KIAA2012: variants seen among roughly 807,000 people sequenced by gnomAD.
KIAA2012 encodes uncharacterized protein KIAA2012.
KIAA2012 carries 125 observed loss-of-function variants against 150.6 expected under a neutral mutation model. The observed-to-expected ratio is 0.83, with a 90% CI of 0.72 to 0.96. The LOEUF is 0.96. KIAA2012 is among the 40% of genes least tolerant of loss of function. The pLI is 0.00. For synonymous variants in KIAA2012, 462 were observed against 504.7 expected (o/e 0.92, Z 1.13); for missense variants, 1,219 against 1,354.9 (o/e 0.90, Z 1.57).
intron 4 of KIAA2012, among the ~76,000 whole-genome samples, chr2:202,095,699 T>C (rs1008218463): frequency 2.0e-5 from 3 of 152,180 alleles, no homozygotes; most frequent in Non-Finnish European, 1.5e-5. Context: ...AGTCACATAT[T>C]CAAACTCACC....
At chr2:202,089,293 C>T (rs1432558875) in intron 2 of KIAA2012, among the ~76,000 whole-genome samples, 1 of 152,206 alleles carries the variant, frequency 6.6e-6, no homozygotes, top group Non-Finnish European at 1.5e-5. Flanking sequence ...GGATTTACTG[C>T]ATCCTAACCT....
chr2:202,183,323 G>A (rs942203603), intron 15 of KIAA2012, among the ~76,000 whole-genome samples: 5 of 151,814 alleles, frequency 3.3e-5, no homozygotes, highest in Admixed American at 3.3e-4. Context: ...TGCGAGACAG[G>A]TGGGGAGGAT....
intron 13 of KIAA2012, among the ~76,000 whole-genome samples, chr2:202,143,297 C>A (rs182396474): frequency 6.6e-6 from 1 of 151,878 alleles, no homozygotes; most frequent in East Asian, 1.9e-4. Flanking sequence ...TGTTGCCCAG[C>A]CTGGTCTCGA....
chr2:202,135,993 T>TAAA, intron 12 of KIAA2012: 2 of 275,596 alleles, frequency 7.3e-6, no homozygotes, highest in Admixed American at 4.5e-5. Context: ...GATTCAAATT[T>TAAA]AAAAAAAAAA....
intron 2 of KIAA2012, among the ~76,000 whole-genome samples, chr2:202,086,650 T>A (rs766684633): frequency 2.0e-5 from 3 of 152,204 alleles, no homozygotes; most frequent in Non-Finnish European, 4.4e-5. Context: ...GGTGATGCTG[T>A]ATGTTTGAAT....
chr2:202,142,148 G>GT (rs1691208332), intron 13 of KIAA2012, among the ~76,000 whole-genome samples: 3 of 152,144 alleles, frequency 2.0e-5, no homozygotes, highest in Admixed American at 2.0e-4. Context: ...GAGGCAAACT[G>GT]TAAGTACCAT....
chr2:202,118,929 T>A (rs1418741684), intron 11 of KIAA2012, among the ~76,000 whole-genome samples: 1 of 152,142 alleles, frequency 6.6e-6, no homozygotes, highest in South Asian at 2.1e-4. Context: ...CATAAAGACT[T>A]CCCTACCTCA....
chr2:202,133,598 C>T (rs548425993), intron 12 of KIAA2012, among the ~76,000 whole-genome samples: 20 of 152,306 alleles, frequency 1.3e-4, no homozygotes, highest in Non-Finnish European at 2.2e-4. Context: ...TTTTCTAGAT[C>T]TGTCTACTTG....
intron 15 of KIAA2012, among the ~76,000 whole-genome samples, chr2:202,167,242 C>A (rs368337914): frequency 6.6e-5 from 10 of 152,040 alleles, no homozygotes; most frequent in African/African-American, 2.2e-4. Flanking sequence ...AATTTCAATT[C>A]TTATTTCAAT....
rs1176144357 is a variant in KIAA2012 at position 202,139,168 on chromosome 2, G to C, written c.1908+660G>C. 2.0e-5 allele frequency among the ~76,000 whole-genome samples: 3 copies of C among 151,346 alleles called. No individual in the cohort carries two copies. In the East Asian group the frequency reaches 5.8e-4, roughly 29 times the overall value. ...AGGCAGGAAAATCGCTTGAACCTGG[G>C]AGTTGGAGGTTGCAGTGAGCTGAGA... On this transcript the variant is annotated intron_variant, in intron 13 of 23. Coordinates refer to ENST00000498697, the MANE Select transcript of KIAA2012 (RefSeq NM_001277372.4).
rs893130223 is a variant in KIAA2012 at position 202,193,624 on chromosome 2, A to G, written c.3014+121A>G. 3.8e-5 allele frequency: 37 copies of G among 977,452 alleles called. No individual in the cohort carries two copies. In the African/African-American group the frequency reaches 5.8e-4, roughly 15 times the overall value. The allele number at this position is 977,452 out of a possible 1,614,324, so 60.5% of individuals were successfully genotyped here. A position where few individuals can be genotyped will look rare whatever the true frequency, so the allele number is the denominator to read the frequency against. ...GCTCATGCCCTGAAGTTAAAATAGC[A>G]TGTGTCATTTTTCTCTATCCTCAGT... On this transcript the variant is annotated intron_variant, in intron 20 of 23. Coordinates refer to ENST00000498697, the MANE Select transcript of KIAA2012 (RefSeq NM_001277372.4).
At chr2:202,143,601 G>C (rs1193133631) in intron 13 of KIAA2012, among the ~76,000 whole-genome samples, 1 of 147,740 alleles carries the variant, frequency 6.8e-6, no homozygotes, top group African/African-American at 2.5e-5. Context: ...CTACCTATAA[G>C]GAAAGACAGA....
chr2:202,086,290 C>G (rs1257029012), intron 2 of KIAA2012, among the ~76,000 whole-genome samples: 1 of 152,002 alleles, frequency 6.6e-6, no homozygotes, highest in Non-Finnish European at 1.5e-5. Context: ...GCCACAGCAT[C>G]TTGGAAGAGG....
chr2:202,124,945 C>A (rs1690743646), intron 11 of KIAA2012, among the ~76,000 whole-genome samples: 2 of 152,110 alleles, frequency 1.3e-5, no homozygotes, highest in South Asian at 4.1e-4. Flanking sequence ...TGGCACATGC[C>A]CGTAATGCCA....
intron 5 of KIAA2012, among the ~76,000 whole-genome samples, 153 bp downstream of exon 5, chr2:202,097,730 C>T (rs1233223103): frequency 2.0e-5 from 3 of 152,050 alleles, no homozygotes; most frequent in African/African-American, 7.2e-5. Context: ...GCTGGGACTA[C>T]AGGTAAGCAC....
At chr2:202,106,075 A>C in intron 9 of KIAA2012, 165 bp downstream of exon 9, 3 of 1,516,194 alleles carry the variant, frequency 2.0e-6, no homozygotes, top group Non-Finnish European at 2.6e-6. Flanking sequence ...TGCCTTCACC[A>C]AAGTGCTGCA....
chr2:202,150,456 T>TG (rs1019855742), intron 13 of KIAA2012, among the ~76,000 whole-genome samples: 3 of 133,254 alleles, frequency 2.3e-5, no homozygotes, highest in East Asian at 2.8e-4. Flanking sequence ...TTGTTTTTTG[T>TG]GTTTTTTTTT....
At chr2:202,086,528 T>A (rs1689575574) in intron 2 of KIAA2012, among the ~76,000 whole-genome samples, 1 of 152,168 alleles carries the variant, frequency 6.6e-6, no homozygotes, top group Non-Finnish European at 1.5e-5. Context: ...TCTCTATAAT[T>A]CTTTCTTTCA....
chr2:202,126,057 C>A (rs1252110639), intron 12 of KIAA2012, among the ~76,000 whole-genome samples: 1 of 142,378 alleles, frequency 7.0e-6, no homozygotes, highest in East Asian at 2.3e-4. Context: ...CGGGTTCAAG[C>A]AATTCTCCTG....
Sources: gnomAD v4.1 joint callset for allele counts (sites outside exome capture counted in the v4.1 genomes callset) on GRCh38, gnomAD v4.1.1 for gene constraint, MANE v1.5 for transcripts, NCBI Gene and HGNC (gene_info 2026-07-23, HGNC 2026-07-21) for gene names.